Variants in MCF2L observed in about 807,000 individuals in gnomAD.
MCF2L encodes the protein MCF.2 cell line derived transforming sequence like, also known as guanine nucleotide exchange factor DBS.
Under a neutral mutation model 153.4 loss-of-function variants are expected in MCF2L, and 97 were observed. The observed-to-expected ratio is 0.63, with a 90% confidence interval of 0.54 to 0.75. MCF2L has a LOEUF of 0.75. Ranked by LOEUF, MCF2L falls within the 30% of genes least tolerant of loss-of-function variation. The probability of loss-of-function intolerance (pLI) is 0.00; values close to 1 mark genes in which losing one functional copy is unlikely to be tolerated. For synonymous variants in MCF2L, 659 were observed against 632.2 expected (o/e 1.04, Z -0.64); for missense variants, 1,347 against 1,495.2 (o/e 0.90, Z 1.64).
chr13:113,010,816 G>T (rs1228018931), intron 1 of MCF2L, among the ~76,000 whole-genome samples: 1 of 152,320 alleles, frequency 6.6e-6, no homozygotes, highest in East Asian at 1.9e-4. Context: ...ATACGGGTCA[G>T]GGGCCCACCA....
chr13:112,949,336 A>G (rs1196320340), intron 2 of MCF2L, among the ~76,000 whole-genome samples: 1 of 152,200 alleles, frequency 6.6e-6, no homozygotes, highest in African/African-American at 2.4e-5. Context: ...AATTCTACAC[A>G]ATCTTTTCCA....
chr13:113,088,713 TCAGTGGGAC>T (rs765363534), intron 25 of MCF2L, 85 bp downstream of exon 25: 77 of 1,365,286 alleles, frequency 5.6e-5, no homozygotes, highest in Non-Finnish European at 7.6e-5. Context: ...TCGGCCTCTG[TCAGTGGGAC>T]CCTGTGGTTA....
At chr13:113,003,453 G>T (rs1404800013) in intron 1 of MCF2L, among the ~76,000 whole-genome samples, 1 of 151,942 alleles carries the variant, frequency 6.6e-6, no homozygotes, top group Non-Finnish European at 1.5e-5. Flanking sequence ...GGCCCCCTGG[G>T]TTTTGGGGTT....
At chr13:112,988,174 G>A (rs1447663576) in intron 1 of MCF2L, among the ~76,000 whole-genome samples, 2 of 152,080 alleles carry the variant, frequency 1.3e-5, no homozygotes, top group African/African-American at 4.8e-5. Flanking sequence ...TGTACACACC[G>A]TGTGTGGTGG....
chr13:112,895,786 C>T (rs1302920576), intron 1 of MCF2L, among the ~76,000 whole-genome samples: 2 of 152,078 alleles, frequency 1.3e-5, no homozygotes, highest in South Asian at 2.1e-4. Flanking sequence ...GGGGCCGGCT[C>T]CGCCCTCCCA....
At chr13:113,095,513 G>A (rs1010715893) in intron 27 of MCF2L, 16 of 1,053,062 alleles carry the variant, frequency 1.5e-5, no homozygotes, top group African/African-American at 8.6e-5. Flanking sequence ...TGGGGTGTGG[G>A]GAGTGATCCT....
At chr13:112,946,410 A>C (rs1052333311) in intron 2 of MCF2L, among the ~76,000 whole-genome samples, 1 of 152,222 alleles carries the variant, frequency 6.6e-6, no homozygotes, top group African/African-American at 2.4e-5. Context: ...TAATTTTTAA[A>C]ACCTATATTG....
intron 1 of MCF2L, among the ~76,000 whole-genome samples, chr13:112,972,476 GGATGGATGGATGGATGAT>G (rs1015437203): frequency 6.9e-5 from 10 of 145,304 alleles, no homozygotes; most frequent in Admixed American, 1.4e-4. Flanking sequence ...GTGTGTGGGT[GGATGGATGGATGGATGAT>G]GATGGATGGA....
At chr13:113,052,054 A>T (rs1339374006) in intron 4 of MCF2L, among the ~76,000 whole-genome samples, 1 of 152,188 alleles carries the variant, frequency 6.6e-6, no homozygotes, top group African/African-American at 2.4e-5. Context: ...AAAAGAATCC[A>T]TTTTAAATGT....
chr13:113,011,808 G>C (rs2084140009), intron 1 of MCF2L, among the ~76,000 whole-genome samples: 1 of 116,486 alleles, frequency 8.6e-6, no homozygotes. Flanking sequence ...CGGTGGACAG[G>C]CGGTGTGGAC....
rs1024498072 is a variant in MCF2L, at chr13:112,943,458, G to A, written c.169+41087G>A. ...GGCGCCCGGGAGAGGCGCCGCCTTG[G>A]TTGCAGGGGCCGGGGCGCGGCGGCC... On this transcript the variant is annotated intron_variant, in intron 2 of 29. Transcript: ENST00000375608. The surrounding 1 kb of genome is among the most constrained non-coding windows in gnomAD (Gnocchi z 4.2). Among the ~76,000 whole-genome samples the A allele has an allele frequency of 6.6e-6, 1 of 151,982 alleles. No individual in the cohort carries two copies. Among genetic ancestry groups the A allele is most frequent in the Non-Finnish European group, 1.5e-5 (1 of 67,950 alleles).
At chr13:113,077,546 C>G (rs1314752672) in intron 13 of MCF2L, among the ~76,000 whole-genome samples, 1 of 152,216 alleles carries the variant, frequency 6.6e-6, no homozygotes, top group African/African-American at 2.4e-5. Context: ...AGAGCTCCCA[C>G]AGAGGAACCA....
At chr13:113,021,282 C>CTGTGTGTAGCTGTGTA (rs2084871175) in intron 2 of MCF2L, among the ~76,000 whole-genome samples, 1 of 151,512 alleles carries the variant, frequency 6.6e-6, no homozygotes, top group Non-Finnish European at 1.5e-5. Context: ...GTATAGGTAG[C>CTGTGTGTAGCTGTGTA]TGTGTGTAGC....
upstream of MCF2L, among the ~76,000 whole-genome samples, chr13:112,968,146 G>A (rs1307181160): frequency 1.3e-5 from 2 of 148,178 alleles, no homozygotes; most frequent in African/African-American, 4.9e-5. Context: ...GTGAGGTGGG[G>A]GGGGGGGTCT....
chr13:113,084,468 C>A, intron 18 of MCF2L: 1 of 318,078 alleles, frequency 3.1e-6, no homozygotes, highest in South Asian at 5.8e-5. Flanking sequence ...TAGAGGCACC[C>A]AGGAGCAATT....
intron 2 of MCF2L, among the ~76,000 whole-genome samples, chr13:113,021,598 G>A (rs1380167794): frequency 1.3e-5 from 2 of 152,216 alleles, no homozygotes; most frequent in African/African-American, 2.4e-5. Context: ...TCCGCCTCCA[G>A]TTACTAGGCC....
intron 2 of MCF2L, among the ~76,000 whole-genome samples, chr13:112,934,934 A>G (rs1428365097): frequency 6.6e-6 from 1 of 152,218 alleles, no homozygotes; most frequent in Non-Finnish European, 1.5e-5. Context: ...TGGACACGTT[A>G]GTGTTCATGT....
At chr13:112,898,625 G>A (rs997134200) in intron 1 of MCF2L, among the ~76,000 whole-genome samples, 19 of 152,032 alleles carry the variant, frequency 1.2e-4, no homozygotes, top group Non-Finnish European at 2.4e-4. Context: ...CCCTGGGACC[G>A]TCAGCACTTG....
At chr13:113,066,210 T>G in intron 8 of MCF2L, 40 bp downstream of exon 8, 1 of 1,557,016 alleles carries the variant, frequency 6.4e-7, no homozygotes, top group South Asian at 1.2e-5. Flanking sequence ...CCTGTCCCAG[T>G]CCATGGCAGG....
Sources: allele counts gnomAD v4.1 joint callset (sites outside exome capture counted in the v4.1 genomes callset), GRCh38; gene constraint gnomAD v4.1.1; non-coding constraint Gnocchi (gnomAD v3.1); transcripts MANE v1.5; gene names NCBI Gene and HGNC (gene_info 2026-07-23, HGNC 2026-07-21).